The following KCNH8 variants were observed in gnomAD, a reference collection of about 807,000 sequenced individuals.
KCNH8 encodes potassium voltage-gated channel subfamily H member 8.
Under a neutral mutation model 103.6 loss-of-function variants are expected in KCNH8, and 70 were observed. The ratio of observed to expected loss-of-function variants is 0.68; its 90% CI spans 0.56 to 0.82. The LOEUF is 0.82. Ranked by LOEUF, KCNH8 falls within the 40% of genes least tolerant of loss-of-function variation. The pLI, the probability that KCNH8 is intolerant of heterozygous loss-of-function variation, is 0.00. For synonymous variants in KCNH8, 498 were observed against 489.4 expected, an observed-to-expected ratio of 1.02 and a Z score of -0.23; for missense variants, 1,217 against 1,329.9, an observed-to-expected ratio of 0.92 and a Z score of 1.32.
In KCNH8 at chr3:19,281,251, G is replaced by C. The variant is rs777473735; in HGVS notation, c.364G>C (p.Asp122His). The C allele has an allele frequency of 6.2e-7, 1 of 1,610,588 alleles. No individual in the cohort carries two copies. Among genetic ancestry groups the C allele is most frequent in the South Asian group, 1.1e-5 (1 of 90,904 alleles). The change falls in exon 3 of 16, where the codon GAT becomes CAT. Residue 122 changes from aspartate (D) to histidine (H), a missense_variant. This residue lies in a region of KCNH8 where 244 missense variants were observed against 256.8 expected (regional missense o/e 0.95). Transcript: ENST00000328405. ...DIVPIKNEKG[D>H]VVLFLASFKD... ...TGTTCCCATAAAGAATGAAAAAGGA[G>C]ATGTAGTACTTTTTCTGGCCTCGTT...
intron 3 of KCNH8, among the ~76,000 whole-genome samples, chr3:19,288,181 C>CTTTTTTTTTTT (rs767659898): frequency 7.9e-5 from 3 of 38,174 alleles, no homozygotes; most frequent in African/African-American, 1.9e-4. Flanking sequence ...TATCAAACTT[C>CTTTTTTTTTTT]TTTTTTTTTT....
chr3:19,245,232 T>C (rs1203838717), intron 1 of KCNH8, among the ~76,000 whole-genome samples: 1 of 152,184 alleles, frequency 6.6e-6, no homozygotes, highest in Admixed American at 6.5e-5. Flanking sequence ...CCCCATTGCT[T>C]GCTTTTGTTG....
At chr3:19,250,226 C>G (rs1203136741) in intron 1 of KCNH8, among the ~76,000 whole-genome samples, 6 of 151,884 alleles carry the variant, frequency 4.0e-5, no homozygotes, top group Admixed American at 3.9e-4. Context: ...GATTGTGTCA[C>G]TGCACTCCAG....
chr3:19,356,104 A>T (rs1320320487), intron 5 of KCNH8, among the ~76,000 whole-genome samples: 5 of 151,898 alleles, frequency 3.3e-5, no homozygotes. Context: ...TATTCACGTA[A>T]ACTCCATACA....
intron 11 of KCNH8, among the ~76,000 whole-genome samples, chr3:19,495,189 C>T (rs1476777628): frequency 6.6e-6 from 1 of 151,950 alleles, no homozygotes; most frequent in Non-Finnish European, 1.5e-5. Flanking sequence ...GCTATAAGCT[C>T]CATACTTTAA....
intron 3 of KCNH8, among the ~76,000 whole-genome samples, chr3:19,287,569 C>CTTT (rs2064849091): frequency 6.9e-6 from 1 of 144,482 alleles, no homozygotes; most frequent in South Asian, 2.1e-4. Flanking sequence ...CCACAGTCCA[C>CTTT]TTTTTGTTGT....
At chr3:19,221,623 C>T (rs981117993) in intron 1 of KCNH8, among the ~76,000 whole-genome samples, 10 of 151,984 alleles carry the variant, frequency 6.6e-5, no homozygotes, top group East Asian at 1.9e-4. Context: ...TTCCAAAACA[C>T]GGATTGTCCC....
rs1420627285 is a variant in KCNH8 at position 19,371,750 on chromosome 3, C to T, written c.812-18731C>T. Among the ~76,000 whole-genome samples the T allele has an allele frequency of 3.4e-5, 4 of 119,332 alleles. No homozygotes were observed. In the East Asian group the frequency reaches 8.8e-4, roughly 26 times the overall value. The allele number at this position is 119,332 out of a possible 152,430, so 78.3% of individuals were successfully genotyped here. A position where few individuals can be genotyped will look rare whatever the true frequency, so the allele number is the denominator to read the frequency against. ...AGGGTTTTTATGGTTTTAGGTCTAA[C>T]GTTTAAAGTCTTTAATCCATGTTGA... On this transcript the variant is annotated intron_variant, in intron 5 of 15. Transcript: ENST00000328405.
In KCNH8 at chr3:19,515,324, T is replaced by C. The variant is rs775340500; in HGVS notation, c.2438T>C (p.Ile813Thr). 12 of 1,572,030 alleles carry C rather than the reference T, an allele frequency of 7.6e-6. No individual in the cohort carries two copies. Among genetic ancestry groups the C allele is most frequent in the Admixed American group, 3.5e-5 (2 of 56,786 alleles). Residue 813 changes from isoleucine to threonine, a missense_variant and splice_region_variant, in exon 14 of 16, where the codon ATT becomes ACT. Ile to Thr is a moderately conservative substitution (Grantham distance 89, BLOSUM62 -1). Around this residue, in one of 3 missense-constraint regions of KCNH8, gnomAD observed 558 missense variants for 495.8 expected, o/e 1.13. Coordinates refer to ENST00000328405, the MANE Select transcript of KCNH8 (RefSeq NM_144633.3). ...CCAATTTCCTTTATTTTAAGTAGGA[T>C]TGTTGATGGAATTGAAGATGGAAAC... ...NAGPPDLSPR[I>T]VDGIEDGNSS... is the part of the protein sequence containing the mutation.
At chr3:19,343,921 G>A (rs376022770) in intron 4 of KCNH8, among the ~76,000 whole-genome samples, 102 of 151,474 alleles carry the variant, frequency 6.7e-4, no homozygotes, top group African/African-American at 2.4e-3. Flanking sequence ...TGAATCATTT[G>A]TCCTCCAAGG....
At chr3:19,225,813 C>A (rs925358025) in intron 1 of KCNH8, among the ~76,000 whole-genome samples, 1 of 152,046 alleles carries the variant, frequency 6.6e-6, no homozygotes, top group Non-Finnish European at 1.5e-5. Flanking sequence ...ACAATATGGA[C>A]CTAAAATTCA....
At chr3:19,471,745 A>G (rs578026253) in intron 11 of KCNH8, among the ~76,000 whole-genome samples, 1 of 152,288 alleles carries the variant, frequency 6.6e-6, no homozygotes, top group South Asian at 2.1e-4. Flanking sequence ...GTCCCAAACC[A>G]CCTGACTTCA....
intron 1 of KCNH8, among the ~76,000 whole-genome samples, chr3:19,157,267 A>T (rs2063190143): frequency 6.6e-6 from 1 of 152,126 alleles, no homozygotes. Context: ...TAGAAGGTAA[A>T]ATTGGGCAAG....
intron 11 of KCNH8, among the ~76,000 whole-genome samples, chr3:19,505,986 T>G (rs2068685238): frequency 6.6e-6 from 1 of 152,200 alleles, no homozygotes; most frequent in African/African-American, 2.4e-5. Context: ...CATTGTAAAA[T>G]TCTTGTAGTG....
chr3:19,495,039 TG>T (rs2068409291), intron 11 of KCNH8, among the ~76,000 whole-genome samples: 1 of 152,178 alleles, frequency 6.6e-6, no homozygotes, highest in Admixed American at 6.5e-5. Context: ...CACTTTTTTA[TG>T]GGGTTGTTTC....
At chr3:19,211,708 TCAGA>T in intron 1 of KCNH8, among the ~76,000 whole-genome samples, 1 of 152,296 alleles carries the variant, frequency 6.6e-6, no homozygotes, top group East Asian at 1.9e-4. Context: ...CAAGACTGTG[TCAGA>T]CAACGGTAAC....
intron 1 of KCNH8, among the ~76,000 whole-genome samples, chr3:19,179,870 G>T (rs1051045998): frequency 2.0e-5 from 3 of 151,898 alleles, no homozygotes; most frequent in Non-Finnish European, 4.4e-5. Flanking sequence ...CAGTAGAGTT[G>T]GTAAGTAGGA....
intron 15 of KCNH8, among the ~76,000 whole-genome samples, chr3:19,528,329 G>C (rs2069101092): frequency 6.6e-6 from 1 of 151,964 alleles, no homozygotes; most frequent in South Asian, 2.1e-4. Flanking sequence ...ATGTAGTTAT[G>C]AGATCTAGGA....
chr3:19,437,395 GCTTT>G (rs2067215771), intron 7 of KCNH8, among the ~76,000 whole-genome samples: 1 of 152,080 alleles, frequency 6.6e-6, no homozygotes, highest in East Asian at 1.9e-4. Context: ...GTTGTTTACA[GCTTT>G]CTGACAGCAC....
Sources: gnomAD v4.1 joint callset for allele counts (sites outside exome capture counted in the v4.1 genomes callset) on GRCh38, gnomAD v4.1.1 for gene constraint, gnomAD v4.1.1 regional missense constraint, MANE v1.5 for transcripts, NCBI Gene and HGNC (gene_info 2026-07-23, HGNC 2026-07-21) for gene names.